The following MED14 variants were observed in gnomAD, a reference collection of about 807,000 sequenced individuals.
MED14 encodes mediator complex subunit 14.
In MED14, 8 loss-of-function variants were observed where a neutral mutation model predicts 109.0. That is an observed-to-expected ratio of 0.07 (90% confidence interval 0.04 to 0.13). MED14 has a LOEUF of 0.13. Among genes scored for constraint, MED14 ranks in the 10% least tolerant of loss-of-function variants. MED14 has a pLI of 1.00. For missense variants in MED14, 711 were observed against 1,142.4 expected (o/e 0.62, Z 5.44); for synonymous variants, 399 against 408.7 (o/e 0.98, Z 0.29).
chrX:40,672,011 C>A, intron 22 of MED14, 39 bp from the exon 23 acceptor site: 1 of 855,986 alleles, frequency 1.2e-6, no homozygotes. Context: ...AAATGGCCAA[C>A]CGCACGGAGC....
chrX:40,659,195 C>T (rs370152743), intron 28 of MED14, 32 bp downstream of exon 28: 10 of 1,048,833 alleles, frequency 9.5e-6, no homozygotes, highest in East Asian at 3.4e-5. Context: ...CTCAAACAAA[C>T]CTTGCTAGAA....
chrX:40,673,532 A>ATT (rs1929799931), intron 22 of MED14, among the ~76,000 whole-genome samples: 1 of 111,952 alleles, frequency 8.9e-6, no homozygotes, highest in Non-Finnish European at 1.9e-5. Context: ...GCCAAATCAG[A>ATT]ATATCTAATA....
intron 19 of MED14, 39 bp downstream of exon 19, chrX:40,681,813 T>A (rs770301967): frequency 1.4e-6 from 1 of 731,141 alleles, no homozygotes; most frequent in Non-Finnish European, 2.0e-6. Flanking sequence ...ATTTTTAAGA[T>A]TCATAAGACA....
intron 22 of MED14, among the ~76,000 whole-genome samples, chrX:40,674,251 A>G (rs1434544029): frequency 9.0e-6 from 1 of 111,414 alleles, no homozygotes; most frequent in African/African-American, 3.3e-5. Flanking sequence ...GTTCTACATG[A>G]AGGCCAAGAA....
Position 40,714,581 on chromosome X carries a change from C to T in MED14, c.478G>A (p.Val160Ile), listed in dbSNP as rs1255031692. The T allele has an allele frequency of 8.3e-6, 10 of 1,209,848 alleles. No homozygotes were observed. The highest frequency in any genetic ancestry group is 5.3e-5 in the South Asian group (3 of 56,820). The change falls in exon 4 of 31, where the codon GTA becomes ATA. Residue 160 changes from valine (V) to isoleucine (I), a missense_variant. Val to Ile is a conservative substitution (Grantham distance 29). Transcript: ENST00000324817. ...PSFAIPYAID[V>I]LTTGSYPRLP... Reference sequence around the variant, plus strand: ...CGTGGGTAAGATCCAGTAGTTAGTACATCAATGGCATATGGGATGGCAAAA... The same window carrying T: ...CGTGGGTAAGATCCAGTAGTTAGTATATCAATGGCATATGGGATGGCAAAA...
rs750628795 is a variant in MED14, at chrX:40,710,196, G to A, written c.1023-67C>T. 35 of 774,564 alleles carry A rather than the reference G, an allele frequency of 4.5e-5. No homozygotes were observed. In the African/African-American group the frequency reaches 7.6e-4, roughly 17 times the overall value. The allele number at this position is 774,564 out of a possible 1,213,427, so 63.8% of individuals were successfully genotyped here. A position where few individuals can be genotyped will look rare whatever the true frequency, so the allele number is the denominator to read the frequency against. On this transcript the variant is annotated intron_variant, in intron 8 of 30. Coordinates refer to ENST00000324817, the MANE Select transcript of MED14 (RefSeq NM_004229.4). ...CTGTTAACTTCTAGAATAAAATAGA[G>A]ACAATCCATTGTGCAGTTTAGCCAC...
At chrX:40,664,824 ATAT>A (rs1002384191) in intron 24 of MED14, among the ~76,000 whole-genome samples, 5 of 111,766 alleles carry the variant, frequency 4.5e-5, no homozygotes, top group Admixed American at 1.9e-4. Flanking sequence ...AAAGGCAGAA[ATAT>A]TATATTTTTA....
At chrX:40,712,335 T>C in intron 6 of MED14, 42 bp from the exon 7 acceptor site, 1 of 932,488 alleles carries the variant, frequency 1.1e-6, no homozygotes, top group South Asian at 2.3e-5. Flanking sequence ...ATTAAATAGG[T>C]GTACAAGTGT....
chrX:40,654,097 G>A, intron 30 of MED14: 1 of 316,938 alleles, frequency 3.2e-6, no homozygotes, highest in Non-Finnish European at 5.5e-6. Context: ...ATAAATACAA[G>A]CTTCTGGCAT....
intron 26 of MED14, 58 bp from the exon 27 acceptor site, chrX:40,659,665 A>C (rs1280681259): frequency 9.2e-7 from 1 of 1,091,159 alleles, no homozygotes; most frequent in Non-Finnish European, 1.2e-6. Flanking sequence ...TGAAGATGTT[A>C]CTGAGAATTG....
At chrX:40,714,401 A>T in intron 4 of MED14, 136 bp downstream of exon 4, 1 of 578,736 alleles carries the variant, frequency 1.7e-6, no homozygotes, top group Non-Finnish European at 2.6e-6. Flanking sequence ...GCACAACTTT[A>T]GTTACAGAGA....
Position 40,712,171 on chromosome X carries a change from A to T in MED14, c.889+15T>A. On this transcript the variant is annotated intron_variant, in intron 7 of 30. Coordinates refer to ENST00000324817, the MANE Select transcript of MED14 (RefSeq NM_004229.4). ...AAATCCTTACAAATATATGTCTCAA[A>T]TTTCAGAAGGATACGTAGGCAGTTG... is the stretch of plus-strand genomic sequence containing the variant. 1 of 1,127,759 alleles carries T rather than the reference A, an allele frequency of 8.9e-7. No individual in the cohort carries two copies. The highest frequency in any genetic ancestry group is 1.2e-6 in the Non-Finnish European group (1 of 834,505). The allele number at this position is 1,127,759 out of a possible 1,213,427, so 92.9% of individuals were successfully genotyped here. A position where few individuals can be genotyped will look rare whatever the true frequency, so the allele number is the denominator to read the frequency against.
Position 40,663,050 on chromosome X carries a change from G to C in MED14, c.3559C>G (p.Leu1187Val). 1 of 1,211,318 alleles carries C rather than the reference G, an allele frequency of 8.3e-7. No homozygotes were observed. Among genetic ancestry groups the C allele is most frequent in the Non-Finnish European group, 1.1e-6 (1 of 894,869 alleles). ...ACAAGGCCTGGAGTTGGAGAGGGCAGCAGTAAAATGTTCAAGGCACTGTGA... is the reference window on the plus strand; with the variant it reads ...ACAAGGCCTGGAGTTGGAGAGGGCACCAGTAAAATGTTCAAGGCACTGTGA... The part of the protein sequence containing the change: ...LTHSALNILL[L>V]PSPTPGLVPG... Residue 1187 changes from leucine (L) to valine (V), a missense_variant, in exon 26 of 31, where the codon CTG becomes GTG. By Grantham distance (32) the Leu-to-Val change is conservative (BLOSUM62 1). Coordinates refer to ENST00000324817, the MANE Select transcript of MED14 (RefSeq NM_004229.4).
At chrX:40,708,568 A>G (rs1259947738) in intron 10 of MED14, among the ~76,000 whole-genome samples, 1 of 112,052 alleles carries the variant, frequency 8.9e-6, no homozygotes, top group African/African-American at 3.2e-5. Context: ...TACGTCATCT[A>G]ACTTAATTAA....
chrX:40,701,347 C>A, intron 11 of MED14, 104 bp from the exon 12 acceptor site: 1 of 496,787 alleles, frequency 2.0e-6, no homozygotes. Context: ...TTGTTTAAGG[C>A]AGAAAATCAT....
chrX:40,695,694 A>G (rs1473891826), intron 13 of MED14, among the ~76,000 whole-genome samples: 3 of 112,164 alleles, frequency 2.7e-5, no homozygotes, highest in Non-Finnish European at 5.6e-5. Context: ...AAGCAAGCTC[A>G]CTGAGAACTG....
intron 5 of MED14, 82 bp from the exon 6 acceptor site, chrX:40,713,124 C>T: frequency 1.0e-6 from 1 of 961,509 alleles, no homozygotes; most frequent in Non-Finnish European, 1.4e-6. Context: ...AATTTTCAGT[C>T]TTACTTATAA....
intron 3 of MED14, among the ~76,000 whole-genome samples, chrX:40,717,712 G>T (rs895362257): frequency 2.7e-5 from 3 of 111,120 alleles, no homozygotes; most frequent in Non-Finnish European, 3.8e-5. Context: ...TAGTAAAGAC[G>T]GGGTTTCACC....
intron 28 of MED14, among the ~76,000 whole-genome samples, chrX:40,656,776 G>C (rs1453981497): frequency 8.9e-6 from 1 of 112,736 alleles, no homozygotes; most frequent in African/African-American, 3.2e-5. Flanking sequence ...TCCAAGATTT[G>C]TTCAGTGAAT....
Sources: allele counts gnomAD v4.1 joint callset (sites outside exome capture counted in the v4.1 genomes callset), GRCh38; gene constraint gnomAD v4.1.1; transcripts MANE v1.5; gene names NCBI Gene and HGNC (gene_info 2026-07-23, HGNC 2026-07-21).